The following PIGF variants were observed in gnomAD, a reference collection of about 807,000 sequenced individuals.
The protein encoded by PIGF is GPI ethanolamine phosphate transferase, stabilizing subunit.
In PIGF, 23 loss-of-function variants were observed where a neutral mutation model predicts 26.0. The ratio of observed to expected loss-of-function variants is 0.88; its 90% CI spans 0.64 to 1.25. PIGF has a LOEUF of 1.25. Among genes scored for constraint, PIGF ranks in the 50% most tolerant of loss-of-function variants. PIGF has a pLI of 0.00. For synonymous variants in PIGF, 93 were observed against 92.6 expected, an observed-to-expected ratio of 1.00 and a Z score of -0.03; for missense variants, 278 against 249.9, an observed-to-expected ratio of 1.11 and a Z score of -0.76.
At chr2:46,584,683 T>C (rs1669510218) in intron 5 of PIGF, among the ~76,000 whole-genome samples, 2 of 152,202 alleles carry the variant, frequency 1.3e-5, no homozygotes, top group African/African-American at 2.4e-5. Flanking sequence ...CTTTGAAGAC[T>C]GTTAATGATG....
intron 3 of PIGF, among the ~76,000 whole-genome samples, chr2:46,613,163 C>G (rs550209490): frequency 6.6e-6 from 1 of 152,144 alleles, no homozygotes; most frequent in African/African-American, 2.4e-5. Context: ...TGAAGCTTCT[C>G]AAACTATGAT....
At position 46,588,097 on chromosome 2, in the gene PIGF, TAA is replaced by T; in HGVS notation, c.546+4376_546+4377del. On this transcript the variant is annotated intron_variant, in intron 5 of 5. Coordinates refer to ENST00000281382, the MANE Select transcript of PIGF (RefSeq NM_002643.4). The surrounding 1 kb of genome is among the most constrained non-coding windows in gnomAD (Gnocchi z 4.1). ...TACCTTGCACTACGGTTGTCAGGAT[TAA>T]GTTACTCATTTCACAGTACCAAGCC... 6 of 1,600,906 alleles carry T rather than the reference TAA, an allele frequency of 3.7e-6. No individual in the cohort carries two copies. The highest frequency in any genetic ancestry group is 1.1e-5 in the South Asian group (1 of 89,422).
At chr2:46,590,325 T>C (rs1038811742) in intron 5 of PIGF, among the ~76,000 whole-genome samples, 8 of 152,118 alleles carry the variant, frequency 5.3e-5, no homozygotes, top group African/African-American at 1.9e-4. Context: ...GCTAAAAGCC[T>C]GAACAATCCC....
At chr2:46,595,829 T>C (rs528758623) in intron 4 of PIGF, among the ~76,000 whole-genome samples, 2 of 152,296 alleles carry the variant, frequency 1.3e-5, no homozygotes, top group South Asian at 4.1e-4. Flanking sequence ...GTGATAGATT[T>C]AGGGTTAGGA....
chr2:46,604,729 G>T (rs888204103), intron 4 of PIGF, among the ~76,000 whole-genome samples: 17 of 151,770 alleles, frequency 1.1e-4, no homozygotes, highest in African/African-American at 4.1e-4. Flanking sequence ...TAGTGGGGGT[G>T]GGGGGTGCAG....
Position 46,586,034 on chromosome 2 carries a change from A to G in PIGF, c.547-4443T>C, listed in dbSNP as rs186454454. Among the ~76,000 whole-genome samples the G allele has an allele frequency of 4.5e-3, 680 of 152,256 alleles. 5 individuals are homozygous for G. Among genetic ancestry groups the G allele is most frequent in the African/African-American group, 0.016 (659 of 41,564 alleles). On this transcript the variant is annotated intron_variant, in intron 5 of 5. Transcript: ENST00000281382. ...CGTGATCCGTCTGCCTCAGCCTCCC[A>G]AAGTGCTGGGATTACAGGCGTGAGC...
intron 5 of PIGF, among the ~76,000 whole-genome samples, chr2:46,586,681 TGA>T (rs968304248): frequency 5.9e-5 from 9 of 152,256 alleles, no homozygotes; most frequent in Admixed American, 2.6e-4. Context: ...TTTGCATGAC[TGA>T]GAGAGTTCAT....
chr2:46,581,914 C>T (rs1218127078), intron 5 of PIGF: 5 of 211,308 alleles, frequency 2.4e-5, no homozygotes, highest in Non-Finnish European at 4.8e-5. Context: ...GCTCTCTGAA[C>T]TAGTTGGTAA....
chr2:46,594,839 C>A (rs1669831756), intron 4 of PIGF, among the ~76,000 whole-genome samples: 1 of 118,460 alleles, frequency 8.4e-6, no homozygotes, highest in Non-Finnish European at 1.8e-5. Flanking sequence ...CGGCCCTCAC[C>A]GTTTTTTTTT....
At chr2:46,611,258 C>T (rs1025622097) in intron 4 of PIGF, among the ~76,000 whole-genome samples, 1 of 151,956 alleles carries the variant, frequency 6.6e-6, no homozygotes, top group African/African-American at 2.4e-5. Context: ...GGAGGCGAGG[C>T]GGGCGGATCA....
chr2:46,598,323 C>T (rs1669951590), intron 4 of PIGF, among the ~76,000 whole-genome samples: 1 of 151,996 alleles, frequency 6.6e-6, no homozygotes, highest in African/African-American at 2.4e-5. Context: ...TTTTATTTGA[C>T]GTATTCCTCA....
At chr2:46,597,041 G>A (rs1669909978) in intron 4 of PIGF, among the ~76,000 whole-genome samples, 1 of 152,126 alleles carries the variant, frequency 6.6e-6, no homozygotes, top group Non-Finnish European at 1.5e-5. Flanking sequence ...AAGCTAAGTA[G>A]TACCTCTAAA....
chr2:46,585,898 C>G (rs184799119), intron 5 of PIGF, among the ~76,000 whole-genome samples: 1 of 152,214 alleles, frequency 6.6e-6, no homozygotes, highest in South Asian at 2.1e-4. Flanking sequence ...CTCAGCCTCC[C>G]GAGTAGCTGG....
intron 4 of PIGF, among the ~76,000 whole-genome samples, chr2:46,596,878 TCA>T (rs1436486868): frequency 6.6e-6 from 1 of 152,220 alleles, no homozygotes; most frequent in Middle Eastern, 3.2e-3. Context: ...AAACTGCTAA[TCA>T]CAGTGAACCA....
chr2:46,586,405 T>A (rs931740088), intron 5 of PIGF, among the ~76,000 whole-genome samples: 1 of 152,232 alleles, frequency 6.6e-6, no homozygotes, highest in African/African-American at 2.4e-5. Flanking sequence ...TAATTTTGGA[T>A]ACATTTTAGT....
intron 4 of PIGF, among the ~76,000 whole-genome samples, chr2:46,599,883 TG>T (rs1572776771): frequency 1.3e-5 from 2 of 152,172 alleles, no homozygotes; most frequent in East Asian, 3.9e-4. Context: ...ACACTTCACA[TG>T]GGCACACATC....
intron 1 of PIGF, chr2:46,616,072 G>A (rs1399916341): frequency 3.9e-5 from 6 of 151,928 alleles, no homozygotes; most frequent in African/African-American, 7.2e-5. Flanking sequence ...CGTGGGCGGA[G>A]GGGCGCCCAC....
rs1572782285 is a variant in PIGF, at chr2:46,607,115, G to C, written c.437+5113C>G. ...GTCATTGAATTGTATATTTTAAATA[G>C]ATGATGTGTACGGTGTGTGAATTAT... On this transcript the variant is annotated intron_variant, in intron 4 of 5. Coordinates refer to ENST00000281382, the MANE Select transcript of PIGF (RefSeq NM_002643.4). Among the ~76,000 whole-genome samples the C allele has an allele frequency of 2.6e-5, 4 of 152,288 alleles. No individual in the cohort carries two copies. The South Asian group carries it at 6.2e-4, about 24-fold the overall frequency.
intron 5 of PIGF, 63 bp downstream of exon 5, chr2:46,592,412 T>C: frequency 1.2e-6 from 1 of 849,596 alleles, no homozygotes; most frequent in African/African-American, 1.7e-5. Flanking sequence ...ACTAGTTTGC[T>C]TCATCTGTTT....
Sources: gnomAD v4.1 joint callset for allele counts (sites outside exome capture counted in the v4.1 genomes callset) on GRCh38, gnomAD v4.1.1 for gene constraint, Gnocchi (gnomAD v3.1) non-coding constraint, MANE v1.5 for transcripts, NCBI Gene and HGNC (gene_info 2026-07-23, HGNC 2026-07-21) for gene names.